The following COL24A1 variants were observed in gnomAD, a reference collection of about 807,000 sequenced individuals.
COL24A1 encodes the protein collagen type XXIV alpha 1 chain.
Under a neutral mutation model 253.9 loss-of-function variants are expected in COL24A1, and 224 were observed. The observed-to-expected ratio is 0.88, with a 90% CI of 0.79 to 0.99. The LOEUF is 0.99. COL24A1 is among the 50% of genes least tolerant of loss of function. COL24A1 has a pLI of 0.00. For missense variants in COL24A1, 2,131 were observed against 2,068.5 expected, an observed-to-expected ratio of 1.03 and a Z score of -0.59; for synonymous variants, 685 against 673.7, an observed-to-expected ratio of 1.02 and a Z score of -0.26.
rs1474559701 is a variant in COL24A1 at position 85,744,748 on chromosome 1, G to A, written c.4590C>T (p.Ser1530=). The change falls in exon 57 of 60, where the codon AGC becomes AGT. Residue 1530 remains serine, a synonymous_variant. Coordinates refer to ENST00000370571, the MANE Select transcript of COL24A1 (RefSeq NM_152890.7). ...TLNYLSNLLH[S]IKNPLGTRDN... The stretch of plus-strand genomic sequence containing the variant: ...CTCGTGTGCCAAGAGGATTCTTGAT[G>A]CTGTGCAATAAATTGCTAAGGTAGT... The A allele has an allele frequency of 4.4e-6, 7 of 1,607,872 alleles. No individual in the cohort carries two copies. In the East Asian group the frequency reaches 6.7e-5, roughly 15 times the overall value.
intron 43 of COL24A1, among the ~76,000 whole-genome samples, chr1:85,836,054 C>T (rs1675966205): frequency 6.6e-6 from 1 of 152,152 alleles, no homozygotes; most frequent in South Asian, 2.1e-4. Flanking sequence ...AATGAACAGT[C>T]CTTGCTAAGT....
At chr1:85,968,259 T>C (rs1362797159) in intron 22 of COL24A1, among the ~76,000 whole-genome samples, 1 of 152,138 alleles carries the variant, frequency 6.6e-6, no homozygotes, top group East Asian at 1.9e-4. Flanking sequence ...CCTAGACTAA[T>C]ACAAGTGGTA....
intron 47 of COL24A1, among the ~76,000 whole-genome samples, chr1:85,804,850 A>G (rs187825265): frequency 2.1e-3 from 326 of 152,136 alleles, no homozygotes; most frequent in Non-Finnish European, 4.1e-3. Flanking sequence ...CAGATGGCAA[A>G]TACTCTTTTT....
chr1:85,992,975 T>G (rs1446362688), intron 19 of COL24A1, among the ~76,000 whole-genome samples: 5 of 152,138 alleles, frequency 3.3e-5, no homozygotes, highest in Non-Finnish European at 7.4e-5. Context: ...ACCCTTCACA[T>G]CTGTTTGCCG....
intron 32 of COL24A1, among the ~76,000 whole-genome samples, chr1:85,888,033 C>T (rs1451186810): frequency 1.4e-5 from 2 of 144,918 alleles, no homozygotes; most frequent in Admixed American, 1.4e-4. Context: ...CCTACTTTTC[C>T]GTGTTTTTTT....
At chr1:85,824,608 T>G (rs1674020715) in intron 43 of COL24A1, among the ~76,000 whole-genome samples, 1 of 152,120 alleles carries the variant, frequency 6.6e-6, no homozygotes, top group African/African-American at 2.4e-5. Flanking sequence ...ACCACATGAC[T>G]CTGACATTCG....
chr1:85,767,654 T>G (rs1424698976), intron 53 of COL24A1, among the ~76,000 whole-genome samples: 2 of 152,270 alleles, frequency 1.3e-5, no homozygotes, highest in African/African-American at 4.8e-5. Context: ...CTTTTTTTTT[T>G]TAAACAGCAT....
At chr1:85,938,722 T>C (rs1374585799) in intron 24 of COL24A1, among the ~76,000 whole-genome samples, 2 of 146,330 alleles carry the variant, frequency 1.4e-5, no homozygotes, top group African/African-American at 5.0e-5. Flanking sequence ...GCCCAAGCTG[T>C]CAGTAGCTTC....
At chr1:85,823,853 T>C in intron 43 of COL24A1, 115 bp from the exon 44 acceptor site, 2 of 888,630 alleles carry the variant, frequency 2.3e-6, no homozygotes, top group Non-Finnish European at 3.6e-6. Context: ...TTAAATGTCG[T>C]AGAGATTATG....
Position 86,001,160 on chromosome 1 carries a change from G to C in COL24A1, c.2311-13506C>G, listed in dbSNP as rs185660100. 3.4e-3 allele frequency among the ~76,000 whole-genome samples: 522 copies of C among 152,288 alleles called. 1 individual carries two copies. Among genetic ancestry groups the C allele is most frequent in the Non-Finnish European group, 5.7e-3 (385 of 68,018 alleles). On this transcript the variant is annotated intron_variant, in intron 19 of 59. Transcript: ENST00000370571. ...TTTTCACTTCATTGTTACAGCATAT[G>C]CAAGTATCATCACTGTCACATTGCC...
intron 2 of COL24A1, among the ~76,000 whole-genome samples, chr1:86,130,362 G>T (rs1335818559): frequency 6.6e-6 from 1 of 151,724 alleles, no homozygotes; most frequent in Non-Finnish European, 1.5e-5. Flanking sequence ...TAATATTATG[G>T]TTTGTTTAAT....
At chr1:86,035,782 C>T (rs950435378) in intron 12 of COL24A1, among the ~76,000 whole-genome samples, 1 of 152,052 alleles carries the variant, frequency 6.6e-6, no homozygotes, top group African/African-American at 2.4e-5. Flanking sequence ...AGTGGGATTG[C>T]TGAAAAACCT....
chr1:85,990,985 A>C (rs2100961395), intron 19 of COL24A1, among the ~76,000 whole-genome samples: 1 of 152,336 alleles, frequency 6.6e-6, no homozygotes, highest in Middle Eastern at 3.4e-3. Flanking sequence ...AAGAGGATTA[A>C]AAAAATCTCC....
chr1:85,840,919 G>C (rs1240883049), intron 42 of COL24A1, among the ~76,000 whole-genome samples: 2 of 152,066 alleles, frequency 1.3e-5, no homozygotes, highest in Non-Finnish European at 1.5e-5. Flanking sequence ...AAAATGTCTA[G>C]AGTGTATAAG....
intron 52 of COL24A1, among the ~76,000 whole-genome samples, chr1:85,776,389 C>T (rs1668546872): frequency 6.6e-6 from 1 of 152,012 alleles, no homozygotes; most frequent in African/African-American, 2.4e-5. Flanking sequence ...TCCATATGCA[C>T]TTGAAACGAA....
At chr1:85,817,976 C>CTAAAG (rs1415418402) in intron 46 of COL24A1, 58 bp downstream of exon 46, 1 of 1,436,964 alleles carries the variant, frequency 7.0e-7, no homozygotes, top group Non-Finnish European at 9.8e-7. Flanking sequence ...TTTCTGCTTG[C>CTAAAG]TAAAGTTGCC....
At chr1:86,040,020 AT>A (rs1699339330) in intron 12 of COL24A1, among the ~76,000 whole-genome samples, 1 of 152,136 alleles carries the variant, frequency 6.6e-6, no homozygotes, top group Admixed American at 6.6e-5. Context: ...ATTCATGGAG[AT>A]TTGGCATCAA....
chr1:86,125,228 G>A lies in COL24A1; in HGVS notation c.1108C>T (p.Leu370Phe), dbSNP rs549295917. ...GTGATATTGTCAGACATGTTTAGGAGAGAGCTAAATTTCTCTTTGGTATTC... is the reference window on the plus strand; with the variant it reads ...GTGATATTGTCAGACATGTTTAGGAAAGAGCTAAATTTCTCTTTGGTATTC... ...KMNTKEKFSS[L>F]LNMSDNITQH... The change falls in exon 3 of 60, where the codon CTC becomes TTC. Residue 370 changes from leucine (L) to phenylalanine (F), a missense_variant. Transcript: ENST00000370571. The A allele has an allele frequency of 5.6e-5, 91 of 1,613,610 alleles. 1 individual carries two copies. In the South Asian group the frequency reaches 9.1e-4, roughly 16 times the overall value.
intron 53 of COL24A1, among the ~76,000 whole-genome samples, chr1:85,774,755 T>C (rs113229416): frequency 1.3e-5 from 2 of 152,166 alleles, no homozygotes; most frequent in African/African-American, 4.8e-5. Context: ...GTTTGATTCT[T>C]CTCTCTTTTC....
Sources: allele counts gnomAD v4.1 joint callset (sites outside exome capture counted in the v4.1 genomes callset), GRCh38; gene constraint gnomAD v4.1.1; transcripts MANE v1.5; gene names NCBI Gene and HGNC (gene_info 2026-07-23, HGNC 2026-07-21).